PCDHGA3: variants seen among roughly 807,000 people sequenced by gnomAD.
The protein encoded by PCDHGA3 is protocadherin gamma-A3.
A neutral mutation model predicts 58.5 loss-of-function variants in PCDHGA3; 40 were observed. The observed-to-expected ratio is 0.68, with a 90% confidence interval of 0.53 to 0.89. PCDHGA3 has a LOEUF of 0.89. Among genes scored for constraint, PCDHGA3 ranks in the 40% least tolerant of loss-of-function variants. The probability of loss-of-function intolerance (pLI) is 0.00; values close to 1 mark genes in which losing one functional copy is unlikely to be tolerated. For synonymous variants in PCDHGA3, 530 were observed against 525.7 expected, an observed-to-expected ratio of 1.01 and a Z score of -0.11; for missense variants, 1,223 against 1,195.9, an observed-to-expected ratio of 1.02 and a Z score of -0.33.
At position 141,346,244 on chromosome 5, in the gene PCDHGA3, C is replaced by G. The variant is rs375085778; in HGVS notation, c.2211C>G (p.Gly737=). Residue 737 remains glycine, a synonymous_variant, in exon 1 of 4, where the codon GGC becomes GGG. Transcript: ENST00000253812. ...ASGGGLASTP[G]SHFVGADGVR... ...GAGGCGGCTTGGCGAGTACGCCCGG[C>G]TCGCACTTTGTGGGCGCGGACGGGG... 6.2e-7 allele frequency: 1 copy of G among 1,614,216 alleles called. No individual in the cohort carries two copies. The highest frequency in any genetic ancestry group is 2.2e-5 in the East Asian group (1 of 44,878).
rs1358516648 is a variant in PCDHGA3, at chr5:141,489,199, A to C, written c.2425-5608A>C. The C allele has an allele frequency of 1.4e-6, 2 of 1,395,234 alleles. No individual in the cohort carries two copies. The highest frequency in any genetic ancestry group is 2.8e-5 in the South Asian group (2 of 71,520). The allele number at this position is 1,395,234 out of a possible 1,614,324, so 86.4% of individuals were successfully genotyped here. ...CAAGCCCTGGGTCTACCTTGGAGAC[A>C]GGACAGCACAGACTTACTCTCCACA... On this transcript the variant is annotated intron_variant, in intron 1 of 3. Transcript: ENST00000253812. The surrounding 1 kb of genome is among the most constrained non-coding windows in gnomAD (Gnocchi z 4.5).
intron 1 of PCDHGA3, chr5:141,408,444 G>A (rs2095109468): frequency 6.2e-6 from 10 of 1,613,960 alleles, no homozygotes; most frequent in Non-Finnish European, 7.6e-6. Context: ...GACGCGGAGA[G>A]CGGGGACTTA....
chr5:141,394,607 G>A (rs769750411), intron 1 of PCDHGA3: 17 of 1,613,530 alleles, frequency 1.1e-5, no homozygotes, highest in Non-Finnish European at 1.4e-5. Context: ...ACAGAGACTC[G>A]GGCCAGAACG....
chr5:141,409,172 G>C (rs574905228), intron 1 of PCDHGA3: 1 of 1,614,006 alleles, frequency 6.2e-7, no homozygotes, highest in Non-Finnish European at 8.5e-7. Context: ...AGCGAAGGAC[G>C]GAGGTGGTCT....
At chr5:141,390,024 CG>C (rs1561629846) in intron 1 of PCDHGA3, 1 of 1,614,044 alleles carries the variant, frequency 6.2e-7, no homozygotes, top group African/African-American at 1.3e-5. Context: ...CTTGCGCCTG[CG>C]ACGCTCCTCC....
intron 1 of PCDHGA3, chr5:141,374,093 C>T (rs1039229802): frequency 6.4e-7 from 1 of 1,554,822 alleles, no homozygotes; most frequent in Middle Eastern, 1.8e-4. Context: ...AATGGCGCCT[C>T]CGCAGAGGCA....
chr5:141,415,588 A>G lies in PCDHGA3; in HGVS notation c.2424+69131A>G, dbSNP rs769216282. 3.3e-5 allele frequency: 53 copies of G among 1,613,874 alleles called. No individual in the cohort carries two copies. Among genetic ancestry groups the G allele is most frequent in the Admixed American group, 3.3e-5 (2 of 59,998 alleles). ...TTTGTTAGATGATTCGAAGTTTCCT[A>G]TAGAGGATACCCCATTGGTTCCAGT... On this transcript the variant is annotated intron_variant, in intron 1 of 3. Transcript: ENST00000253812.
chr5:141,347,946 T>C (rs753265899), intron 1 of PCDHGA3, among the ~76,000 whole-genome samples: 4 of 152,228 alleles, frequency 2.6e-5, no homozygotes, highest in Non-Finnish European at 4.4e-5. Context: ...CTTGGAGTGG[T>C]ATTTCTTGTC....
chr5:141,394,083 G>T, intron 1 of PCDHGA3: 1 of 1,613,826 alleles, frequency 6.2e-7, no homozygotes, highest in Non-Finnish European at 8.5e-7. Flanking sequence ...CACAGTGATG[G>T]CCTCAGATCT....
At chr5:141,402,993 T>C (rs762604393) in intron 1 of PCDHGA3, 3 of 1,613,752 alleles carry the variant, frequency 1.9e-6, no homozygotes, top group Non-Finnish European at 2.5e-6. Context: ...GGAAGATTAG[T>C]CCTGCTATGC....
At chr5:141,478,449 C>A in intron 1 of PCDHGA3, 1 of 1,613,540 alleles carries the variant, frequency 6.2e-7, no homozygotes. Context: ...AAACCTGGTG[C>A]AGCCAGTCCA....
intron 1 of PCDHGA3, chr5:141,400,093 C>G (rs1225718379): frequency 1.2e-6 from 2 of 1,614,094 alleles, no homozygotes; most frequent in Non-Finnish European, 1.7e-6. Context: ...CACCGCCACG[C>G]TGCACTTGGT....
At position 141,494,925 on chromosome 5, in the gene PCDHGA3, G is replaced by A. The variant is rs936071950; in HGVS notation, c.2483+60G>A. On this transcript the variant is annotated intron_variant, in intron 2 of 3. Coordinates refer to ENST00000253812, the MANE Select transcript of PCDHGA3 (RefSeq NM_018916.4). ...TGCGGCATTTTCTCAGGGATGACGT[G>A]GGAGGAGATGGGGGAGGGCCCAGCA... is the stretch of plus-strand genomic sequence containing the variant. The A allele has an allele frequency of 3.3e-4, 525 of 1,613,316 alleles. 2 individuals carry two copies. Among genetic ancestry groups the A allele is most frequent in the Admixed American group, 4.7e-4 (28 of 59,956 alleles).
At position 141,433,188 on chromosome 5, in the gene PCDHGA3, G is replaced by A. The variant is rs2097573612; in HGVS notation, c.2425-61619G>A. The A allele has an allele frequency of 2.5e-6, 4 of 1,583,816 alleles. No homozygotes were observed. The South Asian group carries it at 3.5e-5, about 14-fold the overall frequency. On this transcript the variant is annotated intron_variant, in intron 1 of 3. Coordinates refer to ENST00000253812, the MANE Select transcript of PCDHGA3 (RefSeq NM_018916.4). ...GACAGTCATGGGTTAATTGAGGTGA[G>A]TTTATATCAAATCTTCTTTCTTTTT...
chr5:141,372,138 G>A, intron 1 of PCDHGA3: 1 of 1,613,746 alleles, frequency 6.2e-7, no homozygotes, highest in Non-Finnish European at 8.5e-7. Context: ...GCCGCGCTCT[G>A]CAGAGCCTGG....
chr5:141,375,314 G>T, intron 1 of PCDHGA3: 2 of 1,613,798 alleles, frequency 1.2e-6, no homozygotes, highest in Non-Finnish European at 1.7e-6. Flanking sequence ...TGCAGCTCTA[G>T]ACCGGGAAGA....
At chr5:141,438,949 A>G (rs538626951) in intron 1 of PCDHGA3, among the ~76,000 whole-genome samples, 1 of 152,170 alleles carries the variant, frequency 6.6e-6, no homozygotes, top group East Asian at 1.9e-4. Flanking sequence ...TATAGGCATG[A>G]GCCACCGCAC....
chr5:141,414,776 T>G (rs766689016), intron 1 of PCDHGA3: 14 of 1,614,212 alleles, frequency 8.7e-6, no homozygotes, highest in Non-Finnish European at 1.1e-5. Context: ...GAGCTACAGA[T>G]GCAGGTGACA....
At chr5:141,488,139 T>C (rs906194527) in intron 1 of PCDHGA3, among the ~76,000 whole-genome samples, 2 of 152,084 alleles carry the variant, frequency 1.3e-5, no homozygotes, top group Non-Finnish European at 2.9e-5. Context: ...AGGAGAGAAC[T>C]AAAGGAATAG....
Sources: gnomAD v4.1 joint callset for allele counts (sites outside exome capture counted in the v4.1 genomes callset) on GRCh38, gnomAD v4.1.1 for gene constraint, Gnocchi (gnomAD v3.1) non-coding constraint, MANE v1.5 for transcripts, NCBI Gene and HGNC (gene_info 2026-07-23, HGNC 2026-07-21) for gene names.